PRKCH: variants seen among roughly 807,000 people sequenced by gnomAD.
The protein encoded by PRKCH is protein kinase C eta type.
In PRKCH, 28 loss-of-function variants were observed where a neutral mutation model predicts 82.5. That is an observed-to-expected ratio of 0.34 (90% CI 0.25 to 0.47). The LOEUF (loss-of-function observed/expected upper bound fraction) is 0.47. PRKCH is among the 20% of genes least tolerant of loss of function. The pLI, the probability that PRKCH is intolerant of heterozygous loss-of-function variation, is 1.00. For missense variants in PRKCH, 705 were observed against 881.8 expected, an observed-to-expected ratio of 0.80 and a Z score of 2.54; for synonymous variants, 322 against 327.4, an observed-to-expected ratio of 0.98 and a Z score of 0.18.
At chr14:61,301,505 G>A (rs1020115379) in intron 1 of PRKCH, among the ~76,000 whole-genome samples, 1 of 152,016 alleles carries the variant, frequency 6.6e-6, no homozygotes, top group Non-Finnish European at 1.5e-5. Context: ...ATAGTTTTTG[G>A]CATGCAACTT....
At chr14:61,500,607 G>C (rs1594766271) in intron 10 of PRKCH, among the ~76,000 whole-genome samples, 1 of 152,120 alleles carries the variant, frequency 6.6e-6, no homozygotes, top group African/African-American at 2.4e-5. Flanking sequence ...CTGTTGTAAG[G>C]ATCTCAGGAA....
At chr14:61,428,072 T>TAGAC (rs753584917) in intron 2 of PRKCH, among the ~76,000 whole-genome samples, 2 of 77,288 alleles carry the variant, frequency 2.6e-5, no homozygotes, top group Non-Finnish European at 6.5e-5. Context: ...GATAGATAGA[T>TAGAC]AGATACACAC....
At chr14:61,225,738 A>G (rs911575875) in intron 1 of PRKCH, among the ~76,000 whole-genome samples, 1 of 130,638 alleles carries the variant, frequency 7.7e-6, no homozygotes, top group Non-Finnish European at 1.6e-5. Context: ...CTTGGAAGAT[A>G]TACTTTTTTT....
chr14:61,335,210 T>G (rs1328868461), intron 1 of PRKCH, among the ~76,000 whole-genome samples: 1 of 151,910 alleles, frequency 6.6e-6, no homozygotes, highest in Non-Finnish European at 1.5e-5. Flanking sequence ...TTCTTAGGGG[T>G]GGGGTAGGGT....
intron 10 of PRKCH, among the ~76,000 whole-genome samples, chr14:61,516,235 A>G (rs1018574453): frequency 6.6e-6 from 1 of 152,106 alleles, no homozygotes; most frequent in East Asian, 1.9e-4. Context: ...TCATCTCTCT[A>G]TATGGCACAG....
At chr14:61,260,570 C>T (rs1012249719) in intron 1 of PRKCH, among the ~76,000 whole-genome samples, 2 of 152,116 alleles carry the variant, frequency 1.3e-5, no homozygotes, top group African/African-American at 4.8e-5. Context: ...CATTCTGTAG[C>T]CATTAAACTT....
intron 1 of PRKCH, among the ~76,000 whole-genome samples, chr14:61,276,557 T>C (rs2045204223): frequency 6.6e-6 from 1 of 151,766 alleles, no homozygotes; most frequent in African/African-American, 2.4e-5. Flanking sequence ...GGTTTCACCA[T>C]GTTGGCCAGG....
At chr14:61,270,568 A>T (rs2045142423) in intron 1 of PRKCH, among the ~76,000 whole-genome samples, 1 of 152,216 alleles carries the variant, frequency 6.6e-6, no homozygotes, top group Non-Finnish European at 1.5e-5. Context: ...AAACACATTT[A>T]AAAATTATCC....
chr14:61,261,434 C>T (rs2045042907), intron 1 of PRKCH, among the ~76,000 whole-genome samples: 2 of 152,176 alleles, frequency 1.3e-5, no homozygotes, highest in African/African-American at 4.8e-5. Context: ...CCATCGGTCA[C>T]CCACCCATTC....
intron 1 of PRKCH, chr14:61,279,726 G>C (rs1409917308): frequency 4.8e-6 from 1 of 206,612 alleles, no homozygotes; most frequent in African/African-American, 2.3e-5. Context: ...GCAGCTGCCT[G>C]ATCTTTGTTA....
intron 1 of PRKCH, among the ~76,000 whole-genome samples, chr14:61,265,862 A>G (rs1022122023): frequency 1.3e-5 from 2 of 152,164 alleles, no homozygotes; most frequent in Non-Finnish European, 2.9e-5. Flanking sequence ...TGGAAGGATG[A>G]GGTAGGAGGA....
At chr14:61,254,456 A>T (rs997542044) in intron 1 of PRKCH, among the ~76,000 whole-genome samples, 2 of 151,992 alleles carry the variant, frequency 1.3e-5, no homozygotes, top group African/African-American at 4.8e-5. Flanking sequence ...TCTACAAAAA[A>T]ATGTTTTTAA....
intron 10 of PRKCH, among the ~76,000 whole-genome samples, chr14:61,521,465 T>C (rs17098678): frequency 0.24 from 36,751 of 152,086 alleles, 4,894 homozygotes; most frequent in African/African-American, 0.36. Context: ...CTCACAAGAG[T>C]ATCATATCAC....
chr14:61,328,431 C>T (rs968216927), intron 1 of PRKCH, among the ~76,000 whole-genome samples: 24 of 125,774 alleles, frequency 1.9e-4, no homozygotes, highest in South Asian at 5.5e-4. Flanking sequence ...ATAATTTTCA[C>T]GCCCAAAATG....
intron 10 of PRKCH, among the ~76,000 whole-genome samples, chr14:61,486,680 CTTTCT>C (rs200900161): frequency 6.8e-5 from 10 of 146,370 alleles, no homozygotes; most frequent in South Asian, 2.2e-4. Context: ...TTCTTTCTTT[CTTTCT>C]TTTTTTTTTT....
intron 2 of PRKCH, among the ~76,000 whole-genome samples, chr14:61,422,772 G>A (rs963691693): frequency 6.6e-6 from 1 of 152,112 alleles, no homozygotes; most frequent in African/African-American, 2.4e-5. Flanking sequence ...ACTTACTGTG[G>A]GATAGAGTCT....
intron 2 of PRKCH, among the ~76,000 whole-genome samples, chr14:61,404,113 G>T (rs1881811549): frequency 6.6e-6 from 1 of 152,154 alleles, no homozygotes; most frequent in Non-Finnish European, 1.5e-5. Flanking sequence ...ACAGGTAGTA[G>T]GTAGGAAGAC....
intron 2 of PRKCH, among the ~76,000 whole-genome samples, chr14:61,405,454 T>C (rs933891635): frequency 1.3e-5 from 2 of 151,906 alleles, no homozygotes; most frequent in African/African-American, 4.8e-5. Flanking sequence ...CTCAGCTCAC[T>C]GCAACCTCCA....
At chr14:61,376,703 A>C (rs2046432295) in intron 1 of PRKCH, among the ~76,000 whole-genome samples, 1 of 152,018 alleles carries the variant, frequency 6.6e-6, no homozygotes. Context: ...AGCCCCATCT[A>C]CACCCCTCTA....
Sources: gnomAD v4.1 joint callset for allele counts (sites outside exome capture counted in the v4.1 genomes callset) on GRCh38, gnomAD v4.1.1 for gene constraint, MANE v1.5 for transcripts, NCBI Gene and HGNC (gene_info 2026-07-23, HGNC 2026-07-21) for gene names.